The following C5orf22 variants were observed in gnomAD, a reference collection of about 807,000 sequenced individuals.
The protein encoded by C5orf22 is UPF0489 protein C5orf22.
In C5orf22, 36 loss-of-function variants were observed where a neutral mutation model predicts 48.7. The ratio of observed to expected loss-of-function variants is 0.74; its 90% CI spans 0.57 to 0.98. C5orf22 has a LOEUF of 0.98. Among genes scored for constraint, C5orf22 ranks in the 50% least tolerant of loss-of-function variants. The pLI is 0.00. For missense variants in C5orf22, 486 were observed against 521.9 expected, an observed-to-expected ratio of 0.93 and a Z score of 0.67; for synonymous variants, 141 against 180.8, an observed-to-expected ratio of 0.78 and a Z score of 1.76.
rs1742417941 is a variant in C5orf22, at chr5:31,540,961, A to T, written c.820A>T (p.Ile274Phe). The T allele has an allele frequency of 6.2e-7, 1 of 1,610,934 alleles. No homozygotes were observed. The highest frequency in any genetic ancestry group is 8.5e-7 in the Non-Finnish European group (1 of 1,178,514). The change falls in exon 5 of 9, where the codon ATC becomes TTC. Residue 274 changes from isoleucine (I) to phenylalanine (F), a missense_variant. Coordinates refer to ENST00000325366, the MANE Select transcript of C5orf22 (RefSeq NM_018356.3). ...KEMFTQEEYK[I>F]LQELYQFKKP... ...TTTTGTTTTCCAGGAAGAGTACAAA[A>T]TCTTACAAGAGCTGTACCAATTTAA...
chr5:31,532,466 A>G lies in C5orf22; in HGVS notation c.74A>G (p.His25Arg). ...CTCCCAGTGTGGGTGGTGGAGGATC[A>G]TCAGGAGGTGAGCGGACGGCAACAG... ...PKLPVWVVEDHQEVLPFIYRA... is the reference protein window; with the variant it reads ...PKLPVWVVEDRQEVLPFIYRA... Residue 25 changes from histidine to arginine, a missense_variant, in exon 1 of 9, where the codon CAT becomes CGT. Coordinates refer to ENST00000325366, the MANE Select transcript of C5orf22 (RefSeq NM_018356.3). 6.2e-7 allele frequency: 1 copy of G among 1,613,538 alleles called. No homozygotes were observed. Among genetic ancestry groups the G allele is most frequent in the Non-Finnish European group, 8.5e-7 (1 of 1,179,638 alleles).
At position 31,535,779 on chromosome 5, in the gene C5orf22, T is replaced by C. The variant is rs751411764; in HGVS notation, c.263T>C (p.Val88Ala). 1 of 1,612,484 alleles carries C rather than the reference T, an allele frequency of 6.2e-7. No individual in the cohort carries two copies. The highest frequency in any genetic ancestry group is 8.5e-7 in the Non-Finnish European group (1 of 1,179,214). Reference protein sequence around the residue: ...LSIENWIMPAVYAGHFSHVIW... With the variant: ...LSIENWIMPAAYAGHFSHVIW... Reference sequence around the variant, plus strand: ...ATTGAAAATTGGATTATGCCTGCAGTTTATGCTGGCCATTTTTCACATGTA... The same window carrying C: ...ATTGAAAATTGGATTATGCCTGCAGCTTATGCTGGCCATTTTTCACATGTA... The change falls in exon 3 of 9, where the codon GTT (valine) becomes GCT (alanine). Residue 88 changes from valine (V) to alanine (A), a missense_variant. By Grantham distance (64) the Val-to-Ala change is moderately conservative (BLOSUM62 0). This residue lies in a region of C5orf22 where 408 missense variants were observed against 444.0 expected (regional missense o/e 0.92). Transcript: ENST00000325366.
chr5:31,538,351 A>T lies in C5orf22; in HGVS notation c.469A>T (p.Ile157Phe). The T allele has an allele frequency of 6.2e-7, 1 of 1,614,098 alleles. No individual in the cohort carries two copies. Among genetic ancestry groups the T allele is most frequent in the Non-Finnish European group, 8.5e-7 (1 of 1,179,948 alleles). ...ENQKPLQLDV[I>F]MVKPYKLCNN... Reference sequence around the variant, plus strand: ...CCAAAAACCTTTACAATTGGATGTAATTATGGTAAAACCTTATAAACTCTG... The same window carrying T: ...CCAAAAACCTTTACAATTGGATGTATTTATGGTAAAACCTTATAAACTCTG... Residue 157 changes from isoleucine to phenylalanine, a missense_variant, in exon 4 of 9, where the codon ATT (isoleucine) becomes TTT (phenylalanine). By Grantham distance (21) the Ile-to-Phe change is conservative. Around this residue, in one of 3 missense-constraint regions of C5orf22, gnomAD observed 408 missense variants for 444.0 expected, o/e 0.92. Transcript: ENST00000325366.
chr5:31,546,951 T>C (rs1322018167), intron 7 of C5orf22, among the ~76,000 whole-genome samples: 1 of 152,182 alleles, frequency 6.6e-6, no homozygotes, highest in Admixed American at 6.5e-5. Context: ...CCTCAAAGTC[T>C]TAACTTATTT....
chr5:31,552,393 A>G (rs951532781), intron 8 of C5orf22, among the ~76,000 whole-genome samples: 3 of 152,228 alleles, frequency 2.0e-5, no homozygotes, highest in Non-Finnish European at 2.9e-5. Flanking sequence ...TAGCACACAC[A>G]TAATAAAAGA....
rs1743492396 is a variant in C5orf22, at chr5:31,554,734, TTATGATTCCCATGAACTCTGA to T, written c.*1841_*1861del. 6.6e-6 allele frequency: 1 copy of T among 152,216 alleles called. No individual in the cohort carries two copies. The highest frequency in any genetic ancestry group is 2.4e-5 in the African/African-American group (1 of 41,464). 9.4% of individuals were successfully genotyped at this position (152,216 alleles called of 1,614,324 possible). On this transcript the variant is annotated 3_prime_UTR_variant, in exon 9 of 9. Transcript: ENST00000325366. ...TTGTGAGTGGTTTACTAGTCATTTA[TTATGATTCCCATGAACTCTGA>T]TATGATTCATTGTGGTTTTAACTCA...
intron 6 of C5orf22, among the ~76,000 whole-genome samples, chr5:31,542,439 A>G (rs1388279702): frequency 9.4e-6 from 1 of 106,666 alleles, no homozygotes; most frequent in East Asian, 2.7e-4. Context: ...CAGCCTGTGG[A>G]GACTGGACTT....
chr5:31,542,297 A>C (rs1742515465), intron 6 of C5orf22, among the ~76,000 whole-genome samples: 1 of 145,420 alleles, frequency 6.9e-6, no homozygotes, highest in African/African-American at 2.5e-5. Flanking sequence ...AAAAATACCA[A>C]AAAAAAAAAA....
chr5:31,541,163 A>C, intron 5 of C5orf22, 118 bp from the exon 6 acceptor site: 3 of 1,123,800 alleles, frequency 2.7e-6, no homozygotes, highest in Non-Finnish European at 3.9e-6. Context: ...GGCGAAGCCC[A>C]TGGTTAGTAC....
Position 31,544,636 on chromosome 5 carries a change from G to C in C5orf22, c.993-1010G>C, listed in dbSNP as rs561425657. On this transcript the variant is annotated intron_variant, in intron 6 of 8. Coordinates refer to ENST00000325366, the MANE Select transcript of C5orf22 (RefSeq NM_018356.3). ...ATATCAGATGATGTAGGATTTTTCC[G>C]ATTATAATTGTATTTACTGGCTAGG... 2.6e-3 allele frequency among the ~76,000 whole-genome samples: 399 copies of C among 151,848 alleles called. 4 individuals carry two copies. The highest frequency in any genetic ancestry group is 3.6e-3 in the Non-Finnish European group (242 of 67,942).
At position 31,535,782 on chromosome 5, in the gene C5orf22, A is replaced by G; in HGVS notation, c.266A>G (p.Tyr89Cys). Residue 89 changes from tyrosine (Y) to cysteine (C), a missense_variant, in exon 3 of 9, where the codon TAT (tyrosine) becomes TGT (cysteine). By Grantham distance (194) the Tyr-to-Cys change is radical. Transcript: ENST00000325366. ...GAAAATTGGATTATGCCTGCAGTTT[A>G]TGCTGGCCATTTTTCACATGTAATA... is the stretch of plus-strand genomic sequence containing the variant. ...SIENWIMPAV[Y>C]AGHFSHVIWF... 6.2e-7 allele frequency: 1 copy of G among 1,612,530 alleles called. No individual in the cohort carries two copies. The highest frequency in any genetic ancestry group is 8.5e-7 in the Non-Finnish European group (1 of 1,179,204).
rs1318695393 is a variant in C5orf22 at position 31,554,797 on chromosome 5, C to A, written c.*1895C>A. ...TTTAACTCAGGTTGAATAAAAGCAT[C>A]CATTTCTTTTATAGGAAGGTTTGTT... On this transcript the variant is annotated 3_prime_UTR_variant, in exon 9 of 9. Transcript: ENST00000325366. The A allele has an allele frequency of 6.6e-6, 1 of 152,112 alleles. No individual in the cohort carries two copies. The highest frequency in any genetic ancestry group is 1.5e-5 in the Non-Finnish European group (1 of 68,022). The allele number at this position is 152,112 out of a possible 1,614,324, so 9.4% of individuals were successfully genotyped here.
intron 7 of C5orf22, among the ~76,000 whole-genome samples, chr5:31,547,601 T>G (rs1425862861): frequency 6.6e-6 from 1 of 152,250 alleles, no homozygotes; most frequent in East Asian, 1.9e-4. Flanking sequence ...TCTTGACTTC[T>G]GTGCACTCAC....
At chr5:31,537,036 T>C (rs1742139065) in intron 3 of C5orf22, among the ~76,000 whole-genome samples, 1 of 152,248 alleles carries the variant, frequency 6.6e-6, no homozygotes, top group African/African-American at 2.4e-5. Context: ...ATGAAAATTG[T>C]ATTTATTTCA....
In C5orf22 at chr5:31,553,126, T is replaced by A; in HGVS notation, c.*224T>A. 1 of 356,150 alleles carries A rather than the reference T, an allele frequency of 2.8e-6. No individual in the cohort carries two copies. The allele number at this position is 356,150 out of a possible 1,614,324, so 22.1% of individuals were successfully genotyped here. A position where few individuals can be genotyped will look rare whatever the true frequency, so the allele number is the denominator to read the frequency against. On this transcript the variant is annotated 3_prime_UTR_variant, in exon 9 of 9. Transcript: ENST00000325366. ...AACTGATAGAACTGTTGCTTATCTG[T>A]CTTCCTTAAGTATTTTTTAGGGTTT...
chr5:31,535,886 A>G lies in C5orf22; in HGVS notation c.370A>G (p.Thr124Ala), dbSNP rs1272491288. 1 of 1,610,722 alleles carries G rather than the reference A, an allele frequency of 6.2e-7. No individual in the cohort carries two copies. Among genetic ancestry groups the G allele is most frequent in the Admixed American group, 1.7e-5 (1 of 59,128 alleles). ...FLVGKDTSTT[T>A]IRVTSTDHYF... ...AGTAGGCAAAGACACTTCTACCACA[A>G]CAATCAGGTAATTTCCTCATATTTG... Residue 124 changes from threonine (T) to alanine (A), a missense_variant, in exon 3 of 9, where the codon ACA (threonine) becomes GCA (alanine). Transcript: ENST00000325366.
chr5:31,537,266 T>C (rs1041104863), intron 3 of C5orf22, among the ~76,000 whole-genome samples: 1 of 152,252 alleles, frequency 6.6e-6, no homozygotes, highest in African/African-American at 2.4e-5. Flanking sequence ...TGGTTAATCC[T>C]GCAAGTAAAA....
At chr5:31,548,825 T>C (rs10040440) in intron 7 of C5orf22, 48,307 of 264,272 alleles carry the variant, frequency 0.18, 5,051 homozygotes, top group African/African-American at 0.26. Flanking sequence ...TTCCACATGA[T>C]TGGAGAGGCC....
chr5:31,535,014 T>G, intron 2 of C5orf22: 1 of 454,464 alleles, frequency 2.2e-6, no homozygotes, highest in Non-Finnish European at 4.4e-6. Flanking sequence ...ATATGCTGTT[T>G]TGGTTGAAAT....
Sources: allele counts gnomAD v4.1 joint callset (sites outside exome capture counted in the v4.1 genomes callset), GRCh38; gene constraint gnomAD v4.1.1; regional missense constraint gnomAD v4.1.1; transcripts MANE v1.5; gene names NCBI Gene and HGNC (gene_info 2026-07-23, HGNC 2026-07-21).